Variants in ZMYM4 observed in about 807,000 individuals in gnomAD.
ZMYM4 encodes the protein zinc finger MYM-type protein 4.
In ZMYM4, 31 loss-of-function variants were observed where a neutral mutation model predicts 183.2. That is an observed-to-expected ratio of 0.17 (90% CI 0.13 to 0.23). ZMYM4 has a LOEUF of 0.23. Ranked by LOEUF, ZMYM4 falls within the 10% of genes least tolerant of loss-of-function variation. The probability of loss-of-function intolerance (pLI) is 1.00; values close to 1 mark genes in which losing one functional copy is unlikely to be tolerated. For missense variants in ZMYM4, 1,273 were observed against 1,840.3 expected (o/e 0.69, Z 5.64); for synonymous variants, 592 against 631.2 (o/e 0.94, Z 0.93).
chr1:35,319,041 C>G (rs916324903), intron 1 of ZMYM4, among the ~76,000 whole-genome samples: 1 of 152,020 alleles, frequency 6.6e-6, no homozygotes, highest in Admixed American at 6.6e-5. Flanking sequence ...CCATGATGGC[C>G]AGCTAATTTT....
rs745954469 is a variant in ZMYM4, at chr1:35,419,712, G to A, written c.*35G>A. 10 of 1,605,316 alleles carry A rather than the reference G, an allele frequency of 6.2e-6. No individual in the cohort carries two copies. The South Asian group carries it at 1.1e-4, about 18-fold the overall frequency. On this transcript the variant is annotated 3_prime_UTR_variant, in exon 30 of 30. Transcript: ENST00000314607. ...GAGGTTCTTATTTTCATACATATTG[G>A]TATGCACCAAACTGTGAATGCATCC...
intron 1 of ZMYM4, among the ~76,000 whole-genome samples, chr1:35,314,289 A>G (rs797020147): frequency 6.7e-5 from 10 of 149,760 alleles, no homozygotes; most frequent in African/African-American, 2.5e-4. Flanking sequence ...AAAATAGTTT[A>G]CTCTTTTTTT....
Position 35,359,027 on chromosome 1 carries a change from A to C in ZMYM4, c.188A>C (p.Glu63Ala), listed in dbSNP as rs753397992. The C allele has an allele frequency of 6.2e-7, 1 of 1,613,784 alleles. No homozygotes were observed. The highest frequency in any genetic ancestry group is 8.5e-7 in the Non-Finnish European group (1 of 1,179,740). The change falls in exon 3 of 30, where the codon GAA becomes GCA. Residue 63 changes from glutamate to alanine, a missense_variant. Glu to Ala is a moderately radical substitution (Grantham distance 107). Transcript: ENST00000314607. ...GGAATGCCGAATCAAACAGGATCTGAAAATTCATTGCTGGATGAAGATGAT... is the reference window on the plus strand; with the variant it reads ...GGAATGCCGAATCAAACAGGATCTGCAAATTCATTGCTGGATGAAGATGAT... ...SYGMPNQTGSENSLLDEDDYF... is the reference protein window; with the variant it reads ...SYGMPNQTGSANSLLDEDDYF...
chr1:35,350,127 T>G (rs914284617), intron 2 of ZMYM4, among the ~76,000 whole-genome samples: 7 of 151,354 alleles, frequency 4.6e-5, no homozygotes, highest in African/African-American at 1.7e-4. Context: ...CATGCCTGGC[T>G]TGTTTTTTAA....
intron 1 of ZMYM4, among the ~76,000 whole-genome samples, chr1:35,285,419 A>C (rs565979233): frequency 1.3e-5 from 2 of 152,230 alleles, no homozygotes; most frequent in East Asian, 3.9e-4. Context: ...TTTCTCAAGT[A>C]TCAATCAGTA....
intron 1 of ZMYM4, among the ~76,000 whole-genome samples, chr1:35,269,474 C>T (rs886619231): frequency 6.6e-6 from 1 of 151,954 alleles, no homozygotes; most frequent in African/African-American, 2.4e-5. Context: ...GGGAATAAGT[C>T]GTGGAGGGGT....
At chr1:35,288,584 G>A (rs1640614698) in intron 1 of ZMYM4, among the ~76,000 whole-genome samples, 1 of 152,198 alleles carries the variant, frequency 6.6e-6, no homozygotes, top group African/African-American at 2.4e-5. Context: ...AGACCAGGCT[G>A]TGATTATTTC....
At chr1:35,287,698 C>T (rs1446921411) in intron 1 of ZMYM4, among the ~76,000 whole-genome samples, 4 of 151,928 alleles carry the variant, frequency 2.6e-5, no homozygotes, top group South Asian at 2.1e-4. Context: ...CTCCATCTCC[C>T]GGGTTCAAGC....
chr1:35,325,366 CA>C lies in ZMYM4; in HGVS notation c.52del (p.Ser18ValfsTer9). On this transcript the variant is annotated frameshift_variant, in exon 2 of 30. Coordinates refer to ENST00000314607, the MANE Select transcript of ZMYM4 (RefSeq NM_005095.3). LOFTEE classifies it high-confidence loss of function. ...TCCTTTTTTGCTTTTCCAGTTTGAACAAAAAAGTGGTGCAGTTTTTGATGAA... is the reference window on the plus strand; with the variant it reads ...TCCTTTTTTGCTTTTCCAGTTTGAACAAAAAGTGGTGCAGTTTTTGATGAA... Reference protein sequence around the residue: ...VESGPRKRFEQKSGAVFDEIV... With the variant: ...VESGPRKRFEXKSGAVFDEIV... 3 of 1,599,860 alleles carry C rather than the reference CA, an allele frequency of 1.9e-6. No homozygotes were observed. Among genetic ancestry groups the C allele is most frequent in the Non-Finnish European group, 2.6e-6 (3 of 1,172,538 alleles).
intron 2 of ZMYM4, among the ~76,000 whole-genome samples, chr1:35,332,584 T>C (rs991942697): frequency 6.6e-6 from 1 of 152,186 alleles, no homozygotes. Context: ...GTACGTAGTC[T>C]GTTACCTTGC....
At chr1:35,284,081 A>G (rs1027503367) in intron 1 of ZMYM4, among the ~76,000 whole-genome samples, 3 of 151,346 alleles carry the variant, frequency 2.0e-5, no homozygotes, top group Non-Finnish European at 4.4e-5. Context: ...GGTTCACGCC[A>G]TTCTCCTGCC....
At chr1:35,299,372 AT>A (rs1641168640) in intron 1 of ZMYM4, among the ~76,000 whole-genome samples, 1 of 152,192 alleles carries the variant, frequency 6.6e-6, no homozygotes, top group Non-Finnish European at 1.5e-5. Flanking sequence ...AAAAGCAGAG[AT>A]TATTGACAAT....
chr1:35,327,358 C>T (rs1642550292), intron 2 of ZMYM4, among the ~76,000 whole-genome samples: 1 of 151,974 alleles, frequency 6.6e-6, no homozygotes, highest in Non-Finnish European at 1.5e-5. Flanking sequence ...GAATAAATTC[C>T]AAGAATAGAA....
intron 1 of ZMYM4, among the ~76,000 whole-genome samples, chr1:35,298,876 T>C (rs1254966226): frequency 1.3e-5 from 2 of 152,174 alleles, no homozygotes; most frequent in African/African-American, 2.4e-5. Context: ...CATAGTTACA[T>C]TGCCATACTC....
chr1:35,395,694 A>G (rs1644796917), intron 18 of ZMYM4, among the ~76,000 whole-genome samples: 1 of 152,198 alleles, frequency 6.6e-6, no homozygotes, highest in African/African-American at 2.4e-5. Flanking sequence ...GGCCTAGGCT[A>G]TTTTAAACAT....
At chr1:35,415,822 C>A in intron 28 of ZMYM4, 108 bp downstream of exon 28, 1 of 1,377,480 alleles carries the variant, frequency 7.3e-7, no homozygotes, top group Non-Finnish European at 9.7e-7. Context: ...AAAGAGTGTA[C>A]CTTTAACATT....
In ZMYM4 at chr1:35,387,229, A is replaced by G; in HGVS notation, c.2063A>G (p.Gln688Arg). ...FARSVVKLKC[Q>R]HCNRLFATKP... Reference sequence around the variant, plus strand: ...CGAAGTGTTGTGAAACTCAAATGTCAACACTGTAACCGTCTTTTTGCCACA... The same window carrying G: ...CGAAGTGTTGTGAAACTCAAATGTCGACACTGTAACCGTCTTTTTGCCACA... The change falls in exon 12 of 30, where the codon CAA becomes CGA. Residue 688 changes from glutamine to arginine, a missense_variant. This residue lies in a region of ZMYM4 where 319 missense variants were observed against 518.1 expected (regional missense o/e 0.62). Coordinates refer to ENST00000314607, the MANE Select transcript of ZMYM4 (RefSeq NM_005095.3). The G allele has an allele frequency of 1.9e-6, 3 of 1,614,214 alleles. No individual in the cohort carries two copies. The highest frequency in any genetic ancestry group is 2.5e-6 in the Non-Finnish European group (3 of 1,180,020).
chr1:35,361,345 A>G, intron 4 of ZMYM4, 90 bp downstream of exon 4: 1 of 1,295,528 alleles, frequency 7.7e-7, no homozygotes, highest in Non-Finnish European at 1.1e-6. Flanking sequence ...ACAATGTATT[A>G]GGTAGAGCAC....
chr1:35,394,669 A>G (rs1038709798), intron 18 of ZMYM4, among the ~76,000 whole-genome samples: 1 of 152,214 alleles, frequency 6.6e-6, no homozygotes, highest in Non-Finnish European at 1.5e-5. Context: ...AAATTTGAAC[A>G]GATTGTCTTG....
Sources: allele counts gnomAD v4.1 joint callset (sites outside exome capture counted in the v4.1 genomes callset), GRCh38; gene constraint gnomAD v4.1.1; regional missense constraint gnomAD v4.1.1; transcripts MANE v1.5; gene names NCBI Gene and HGNC (gene_info 2026-07-23, HGNC 2026-07-21).